SATB2: variants seen among roughly 807,000 people sequenced by gnomAD.
SATB2 encodes the protein DNA-binding protein SATB2.
A neutral mutation model predicts 73.4 loss-of-function variants in SATB2; 1 was observed. The ratio of observed to expected loss-of-function variants is 0.01; its 90% CI spans 0.00 to 0.06. The LOEUF is 0.06. Among genes scored for constraint, SATB2 ranks in the 10% least tolerant of loss-of-function variants. SATB2 has a pLI of 1.00. For synonymous variants in SATB2, 397 were observed against 367.0 expected (o/e 1.08, Z -0.93); for missense variants, 459 against 945.8 (o/e 0.49, Z 6.75).
At chr2:199,446,150 T>A (rs549405386) in intron 2 of SATB2, among the ~76,000 whole-genome samples, 1 of 152,328 alleles carries the variant, frequency 6.6e-6, no homozygotes, top group South Asian at 2.1e-4. Context: ...ACTTAAAACA[T>A]GTTTGTCTCT....
At chr2:199,355,324 ATG>A (rs71885911) in intron 6 of SATB2, among the ~76,000 whole-genome samples, 43,490 of 132,444 alleles carry the variant, frequency 0.33, 10,862 homozygotes, top group African/African-American at 0.65. Context: ...ATACATATGT[ATG>A]TGTGTGTGTG....
At chr2:199,456,882 A>C (rs1205743707) in intron 1 of SATB2, among the ~76,000 whole-genome samples, 2 of 150,836 alleles carry the variant, frequency 1.3e-5, no homozygotes, top group African/African-American at 4.9e-5. Context: ...CCCCAATTTT[A>C]ACATCGCTCC....
At chr2:199,371,162 G>T (rs1689435262) in intron 5 of SATB2, among the ~76,000 whole-genome samples, 1 of 151,912 alleles carries the variant, frequency 6.6e-6, no homozygotes, top group South Asian at 2.1e-4. Flanking sequence ...AATATCTTGG[G>T]AATATTTTAA....
chr2:199,423,200 G>T (rs571507347), intron 3 of SATB2, among the ~76,000 whole-genome samples: 1 of 152,060 alleles, frequency 6.6e-6, no homozygotes, highest in African/African-American at 2.4e-5. Flanking sequence ...ATTACATATT[G>T]AGTTGCTTAT....
intron 3 of SATB2, among the ~76,000 whole-genome samples, chr2:199,429,837 C>G (rs1411500861): frequency 6.6e-6 from 1 of 152,130 alleles, no homozygotes; most frequent in Non-Finnish European, 1.5e-5. Flanking sequence ...CTGAAACCGG[C>G]AGGCAGAGGT....
intron 10 of SATB2, among the ~76,000 whole-genome samples, chr2:199,299,068 A>G (rs1392584719): frequency 6.6e-6 from 1 of 152,172 alleles, no homozygotes; most frequent in African/African-American, 2.4e-5. Flanking sequence ...CTAACGATGA[A>G]TTAGCCCATA....
chr2:199,469,093 ATCTCGAG>A, upstream of SATB2, among the ~76,000 whole-genome samples: 1 of 152,226 alleles, frequency 6.6e-6, no homozygotes, highest in Non-Finnish European at 1.5e-5. Flanking sequence ...AAGGGCCCAC[ATCTCGAG>A]TCTCCAGTCT....
In SATB2 at chr2:199,279,992, T is replaced by C. The variant is rs527468679; in HGVS notation, c.1741-7320A>G. Among the ~76,000 whole-genome samples the C allele has an allele frequency of 3.9e-5, 6 of 152,220 alleles. No homozygotes were observed. The East Asian group carries it at 1.2e-3, about 29-fold the overall frequency. On this transcript the variant is annotated intron_variant, in intron 10 of 10. Coordinates refer to ENST00000417098, the MANE Select transcript of SATB2 (RefSeq NM_001172509.2). ...CCTGTCTCTACTAAAAATACAAAAA[T>C]TAGCCAGGCGTGGTGGCACGCGCCT...
At chr2:199,407,286 C>A (rs62178607) in intron 3 of SATB2, among the ~76,000 whole-genome samples, 4 of 120,114 alleles carry the variant, frequency 3.3e-5, no homozygotes, top group African/African-American at 1.4e-4. Flanking sequence ...ACTCTTGTCT[C>A]CCAAAAAAAA....
intron 10 of SATB2, among the ~76,000 whole-genome samples, chr2:199,296,874 TAGAG>T (rs1200943458): frequency 1.3e-5 from 2 of 152,094 alleles, no homozygotes; most frequent in African/African-American, 4.8e-5. Flanking sequence ...AAACTAGAAA[TAGAG>T]AGTAATATTT....
chr2:199,322,782 T>G (rs1173070281), intron 9 of SATB2, among the ~76,000 whole-genome samples: 1 of 152,174 alleles, frequency 6.6e-6, no homozygotes, highest in Admixed American at 6.5e-5. Flanking sequence ...TTAATTTTTA[T>G]TGAAAACCTT....
chr2:199,445,178 T>C (rs1574635925), intron 2 of SATB2, among the ~76,000 whole-genome samples: 1 of 152,200 alleles, frequency 6.6e-6, no homozygotes, highest in South Asian at 2.1e-4. Context: ...AGTCCCGTTA[T>C]GGAGCTGAGA....
Position 199,269,906 on chromosome 2 carries a change from G to A in SATB2, c.*2305C>T, listed in dbSNP as rs1310356584. The A allele has an allele frequency of 6.6e-6, 1 of 152,646 alleles. No individual in the cohort carries two copies. The highest frequency in any genetic ancestry group is 1.5e-5 in the Non-Finnish European group (1 of 67,998). 9.5% of individuals were successfully genotyped at this position (152,646 alleles called of 1,614,324 possible). A position where few individuals can be genotyped will look rare whatever the true frequency, so the allele number is the denominator to read the frequency against. The stretch of plus-strand genomic sequence containing the variant: ...TTGGCAGTGAAATTAAAAAATAAAA[G>A]GCAAGACTTAGCATTGAAAAATACC... On this transcript the variant is annotated 3_prime_UTR_variant, in exon 11 of 11. Transcript: ENST00000417098.
At chr2:199,437,202 C>T (rs1691679352) in intron 2 of SATB2, among the ~76,000 whole-genome samples, 1 of 152,094 alleles carries the variant, frequency 6.6e-6, no homozygotes, top group African/African-American at 2.4e-5. Flanking sequence ...GATCATAAGC[C>T]TTACTAAGCC....
intron 9 of SATB2, among the ~76,000 whole-genome samples, chr2:199,322,700 C>T (rs769799868): frequency 1.3e-5 from 2 of 152,132 alleles, no homozygotes; most frequent in African/African-American, 4.8e-5. Flanking sequence ...GTAAAGAAGG[C>T]TAACCCTGTA....
chr2:199,312,926 T>C (rs1687634467), intron 9 of SATB2, among the ~76,000 whole-genome samples: 1 of 151,622 alleles, frequency 6.6e-6, no homozygotes, highest in African/African-American at 2.4e-5. Context: ...GGCAAGGTAA[T>C]AGAAGAAAAG....
In SATB2 at chr2:199,306,368, T is replaced by G. The variant is rs372717671; in HGVS notation, c.1740+2392A>C. On this transcript the variant is annotated intron_variant, in intron 10 of 10. Coordinates refer to ENST00000417098, the MANE Select transcript of SATB2 (RefSeq NM_001172509.2). Reference sequence around the variant, plus strand: ...ATATAGGCATAACGTTAAAGAAATGTGACGTGCTGATGAGTTTCACAGTAG... The same window carrying G: ...ATATAGGCATAACGTTAAAGAAATGGGACGTGCTGATGAGTTTCACAGTAG... Among the ~76,000 whole-genome samples the G allele has an allele frequency of 1.5e-4, 23 of 152,314 alleles. 1 individual carries two copies. In the South Asian group the frequency reaches 3.9e-3, roughly 26 times the overall value.
At chr2:199,393,010 C>T (rs1289403909) in intron 3 of SATB2, among the ~76,000 whole-genome samples, 2 of 151,954 alleles carry the variant, frequency 1.3e-5, no homozygotes, top group African/African-American at 4.8e-5. Flanking sequence ...TCCAAAAGAC[C>T]CTAGGATAGG....
At chr2:199,356,349 C>T (rs1298024102) in intron 6 of SATB2, among the ~76,000 whole-genome samples, 3 of 151,758 alleles carry the variant, frequency 2.0e-5, no homozygotes, top group African/African-American at 7.3e-5. Flanking sequence ...CACTGGCTTG[C>T]TTTTGGCACT....
Sources: allele counts gnomAD v4.1 joint callset (sites outside exome capture counted in the v4.1 genomes callset), GRCh38; gene constraint gnomAD v4.1.1; transcripts MANE v1.5; gene names NCBI Gene and HGNC (gene_info 2026-07-23, HGNC 2026-07-21).